The following ASPSCR1 variants were observed in gnomAD, a reference collection of about 807,000 sequenced individuals.
ASPSCR1 encodes the protein tether containing UBX domain for GLUT4.
ASPSCR1 carries 55 observed loss-of-function variants against 68.9 expected under a neutral mutation model. The observed-to-expected ratio is 0.80, with a 90% CI of 0.64 to 1.00. The LOEUF (loss-of-function observed/expected upper bound fraction) is 1.00, where lower values mean the gene tolerates loss of function less well. ASPSCR1 is among the 50% of genes least tolerant of loss of function. The pLI, the probability that ASPSCR1 is intolerant of heterozygous loss-of-function variation, is 0.00. For missense variants in ASPSCR1, 765 were observed against 762.2 expected (o/e 1.00, Z -0.04); for synonymous variants, 352 against 332.6 (o/e 1.06, Z -0.63).
At chr17:81,984,793 CCCCACACA>C (rs1247044678) in intron 3 of ASPSCR1, among the ~76,000 whole-genome samples, 1 of 144,850 alleles carries the variant, frequency 6.9e-6, no homozygotes, top group African/African-American at 2.6e-5. Flanking sequence ...CCACACACAC[CCCCACACA>C]CCCACATACC....
intron 4 of ASPSCR1, among the ~76,000 whole-genome samples, chr17:81,992,273 C>T (rs867805624): frequency 1.3e-5 from 2 of 152,078 alleles, no homozygotes; most frequent in East Asian, 1.9e-4. Flanking sequence ...TCTCCTCGGG[C>T]GCTGGAATTT....
chr17:82,016,912 C>T (rs368765562), intron 14 of ASPSCR1, 29 bp from the exon 15 acceptor site: 20 of 1,611,876 alleles, frequency 1.2e-5, no homozygotes, highest in Non-Finnish European at 1.7e-5. Flanking sequence ...TGGCGGCACT[C>T]ACCACTCTGT....
chr17:82,016,746 A>T (rs900868316), intron 13 of ASPSCR1, 54 bp from the exon 14 acceptor site: 1 of 1,572,402 alleles, frequency 6.4e-7, no homozygotes, highest in Non-Finnish European at 8.6e-7. Flanking sequence ...TGCTGGGTGG[A>T]TGGTGAGTGG....
In ASPSCR1 at chr17:81,985,696, C is replaced by G. The variant is rs139989518; in HGVS notation, c.374+89C>G. The G allele has an allele frequency of 4.5e-6, 6 of 1,342,390 alleles. No individual in the cohort carries two copies. In the East Asian group the frequency reaches 1.4e-4, roughly 32 times the overall value. 83.2% of individuals were successfully genotyped at this position (1,342,390 alleles called of 1,614,324 possible). A position where few individuals can be genotyped will look rare whatever the true frequency, so the allele number is the denominator to read the frequency against. On this transcript the variant is annotated intron_variant, in intron 4 of 15. Transcript: ENST00000306739. Reference sequence around the variant, plus strand: ...TGGGTCTGGTTCAGAGCTGGACACCCAAGCTCTGTGCTGGCCTGTGGTGCC... The same window carrying G: ...TGGGTCTGGTTCAGAGCTGGACACCGAAGCTCTGTGCTGGCCTGTGGTGCC...
rs894961497 is a variant in ASPSCR1, at chr17:81,999,576, G to A, written c.933+2730G>A. 8.0e-5 allele frequency among the ~76,000 whole-genome samples: 12 copies of A among 150,836 alleles called. No individual in the cohort carries two copies. Among genetic ancestry groups the A allele is most frequent in the East Asian group, 1.9e-4 (1 of 5,140 alleles). ...CGGGAGGCGGAGGTTGCAGTGAGCC[G>A]AGATCGTGCCACTGCACTCCAGCCC... On this transcript the variant is annotated intron_variant, in intron 7 of 15. Transcript: ENST00000306739. This position sits in a 1 kb window ranked among gnomAD's most constrained non-coding sequence, Gnocchi z 4.4.
chr17:82,014,816 C>T, intron 12 of ASPSCR1: 1 of 557,870 alleles, frequency 1.8e-6, no homozygotes, highest in Admixed American at 3.2e-5. Context: ...GGGTTGGCAG[C>T]AGAGAGGCGG....
chr17:82,000,847 G>A (rs2042505599), intron 7 of ASPSCR1, among the ~76,000 whole-genome samples: 1 of 152,200 alleles, frequency 6.6e-6, no homozygotes, highest in Admixed American at 6.5e-5. Flanking sequence ...GCCTCCACTG[G>A]CTGGGAGGCT....
chr17:81,979,942 G>A (rs1352656827), intron 2 of ASPSCR1, among the ~76,000 whole-genome samples: 4 of 152,196 alleles, frequency 2.6e-5, no homozygotes, highest in Non-Finnish European at 5.9e-5. Context: ...TCCCACACGC[G>A]AAGCTTTTCA....
rs548989350 is a variant in ASPSCR1 at position 81,980,549 on chromosome 17, T to C, written c.158+1310T>C. ...CCAGTCTCTCTTGTCAACTGAAGAA[T>C]GCGGTTCATATGTTTGGAAAGGAGG... On this transcript the variant is annotated intron_variant, in intron 2 of 15. Transcript: ENST00000306739. Among the ~76,000 whole-genome samples the C allele has an allele frequency of 3.9e-4, 60 of 152,326 alleles. 2 individuals carry two copies. In the South Asian group the frequency reaches 9.9e-3, roughly 25 times the overall value.
intron 9 of ASPSCR1, chr17:82,010,084 G>GTTGT: frequency 4.0e-6 from 1 of 251,560 alleles, no homozygotes; most frequent in Non-Finnish European, 7.8e-6. Flanking sequence ...GCTAATTTTT[G>GTTGT]TTGTTTTTTT....
intron 9 of ASPSCR1, 124 bp downstream of exon 9, chr17:82,009,691 A>G (rs12952898): frequency 6.9e-5 from 26 of 375,126 alleles, no homozygotes; most frequent in Admixed American, 2.1e-4. Flanking sequence ...GTCTGTGGAC[A>G]GGACGTGGTG....
intron 11 of ASPSCR1, 122 bp downstream of exon 11, chr17:82,011,727 T>A: frequency 9.0e-7 from 1 of 1,105,502 alleles, no homozygotes; most frequent in Non-Finnish European, 1.3e-6. Context: ...ATCTGTGGCC[T>A]CCCGCCCAGG....
rs1457167258 is a variant in ASPSCR1, at chr17:81,985,482, G to C, written c.274-25G>C. The C allele has an allele frequency of 1.9e-6, 3 of 1,609,150 alleles. No individual in the cohort carries two copies. The South Asian group carries it at 3.3e-5, about 18-fold the overall frequency. On this transcript the variant is annotated intron_variant, in intron 3 of 15. Transcript: ENST00000306739. ...AATAGTTGCTTTTCTTCCTAAGGAA[G>C]TTTCTCATGTCTTATACCCTCCAGG... is the stretch of plus-strand genomic sequence containing the variant.
At chr17:81,995,281 T>G in intron 5 of ASPSCR1, 77 of 277,886 alleles carry the variant, frequency 2.8e-4, no homozygotes, top group East Asian at 7.1e-4. Flanking sequence ...TGCCCTTTGC[T>G]GGGGTGGGGG....
chr17:81,995,659 G>A (rs1389464546), intron 5 of ASPSCR1: 3 of 505,030 alleles, frequency 5.9e-6, no homozygotes, highest in Non-Finnish European at 1.1e-5. Context: ...TGCCTCTCTC[G>A]CTCCGGGCAG....
chr17:81,979,665 G>T (rs74002713), intron 2 of ASPSCR1, among the ~76,000 whole-genome samples: 3 of 152,064 alleles, frequency 2.0e-5, no homozygotes, highest in Non-Finnish European at 4.4e-5. Flanking sequence ...ATCTTTTTTG[G>T]GGGGGCCACC....
chr17:82,017,355 C>A lies in ASPSCR1; in HGVS notation c.*33C>A. ...CAGCCTGAGGTGCCCACTCCGCCAG[C>A]CACAGGACCACCTCCTCTGCCAGCA... On this transcript the variant is annotated 3_prime_UTR_variant, in exon 16 of 16. Coordinates refer to ENST00000306739, the MANE Select transcript of ASPSCR1 (RefSeq NM_024083.4). 1 of 1,612,312 alleles carries A rather than the reference C, an allele frequency of 6.2e-7. No homozygotes were observed. The highest frequency in any genetic ancestry group is 8.5e-7 in the Non-Finnish European group (1 of 1,179,878).
intron 2 of ASPSCR1, among the ~76,000 whole-genome samples, chr17:81,981,516 T>C (rs2041794789): frequency 6.6e-6 from 1 of 151,924 alleles, no homozygotes; most frequent in Non-Finnish European, 1.5e-5. Context: ...GTAGCTGGGA[T>C]TACAGGCGTG....
intron 7 of ASPSCR1, chr17:82,008,615 G>C (rs1173957712): frequency 6.0e-6 from 1 of 165,670 alleles, no homozygotes. Context: ...CATGGATTCA[G>C]CCTGGCCATG....
Sources: allele counts gnomAD v4.1 joint callset (sites outside exome capture counted in the v4.1 genomes callset), GRCh38; gene constraint gnomAD v4.1.1; non-coding constraint Gnocchi (gnomAD v3.1); transcripts MANE v1.5; gene names NCBI Gene and HGNC (gene_info 2026-07-23, HGNC 2026-07-21).